The following CAMKMT variants were observed in gnomAD, a reference collection of about 807,000 sequenced individuals.
CAMKMT encodes CaM KMT.
Under a neutral mutation model 48.0 loss-of-function variants are expected in CAMKMT, and 53 were observed. The ratio of observed to expected loss-of-function variants is 1.10; its 90% CI spans 0.89 to 1.39. The LOEUF (loss-of-function observed/expected upper bound fraction) is 1.39. CAMKMT is among the 40% of genes most tolerant of loss of function. The pLI, the probability that CAMKMT is intolerant of heterozygous loss-of-function variation, is 0.00. For synonymous variants in CAMKMT, 165 were observed against 152.3 expected, an observed-to-expected ratio of 1.08 and a Z score of -0.61; for missense variants, 428 against 402.7, an observed-to-expected ratio of 1.06 and a Z score of -0.54.
intron 3 of CAMKMT, among the ~76,000 whole-genome samples, chr2:44,594,360 C>T (rs1436968082): frequency 1.3e-5 from 2 of 152,158 alleles, no homozygotes; most frequent in Non-Finnish European, 2.9e-5. Flanking sequence ...CCAAGACAAT[C>T]CTAAGCAAAA....
At chr2:44,515,415 T>A (rs942414010) in intron 3 of CAMKMT, among the ~76,000 whole-genome samples, 10 of 152,194 alleles carry the variant, frequency 6.6e-5, no homozygotes, top group African/African-American at 2.4e-4. Flanking sequence ...TGGTAAGGGA[T>A]ATCTATAATC....
chr2:44,699,471 C>T (rs908439762), intron 3 of CAMKMT, among the ~76,000 whole-genome samples: 3 of 152,124 alleles, frequency 2.0e-5, no homozygotes, highest in Non-Finnish European at 2.9e-5. Context: ...TTTTTCGGAG[C>T]AGTAGGTCTT....
In CAMKMT at chr2:44,372,688, G is replaced by T; in HGVS notation, c.139-28G>T. On this transcript the variant is annotated intron_variant, in intron 1 of 10. Transcript: ENST00000378494. ...AACTTACTATATGTTTAGATAACAT[G>T]ACTGCAATATTTGGCTTTATTTCAA... 5 of 1,598,006 alleles carry T rather than the reference G, an allele frequency of 3.1e-6. No individual in the cohort carries two copies. In the South Asian group the frequency reaches 5.6e-5, roughly 18 times the overall value.
chr2:44,647,914 A>G (rs1426543453), intron 3 of CAMKMT, among the ~76,000 whole-genome samples: 2 of 148,888 alleles, frequency 1.3e-5, no homozygotes, highest in African/African-American at 4.9e-5. Context: ...TCTCAAAAAA[A>G]AAAAAAAAAA....
intron 3 of CAMKMT, among the ~76,000 whole-genome samples, chr2:44,426,773 T>A (rs1206190267): frequency 6.6e-6 from 1 of 152,234 alleles, no homozygotes; most frequent in Non-Finnish European, 1.5e-5. Context: ...GATTCAATGC[T>A]ATTTCTATGA....
At chr2:44,501,494 A>G (rs190472960) in intron 3 of CAMKMT, among the ~76,000 whole-genome samples, 2 of 152,344 alleles carry the variant, frequency 1.3e-5, no homozygotes, top group Non-Finnish European at 2.9e-5. Context: ...ACAGGAGTGA[A>G]GAAAGAGACT....
intron 3 of CAMKMT, among the ~76,000 whole-genome samples, chr2:44,683,215 C>CAA (rs11451906): frequency 0.36 from 54,397 of 149,136 alleles, 10,156 homozygotes; most frequent in Non-Finnish European, 0.42. Context: ...AAATAGAAAC[C>CAA]AAAAAAAAAA....
intron 7 of CAMKMT, among the ~76,000 whole-genome samples, chr2:44,741,184 G>A (rs1401191346): frequency 6.6e-6 from 1 of 152,206 alleles, no homozygotes; most frequent in Non-Finnish European, 1.5e-5. Context: ...TTTTACAAAA[G>A]TATTGGTCTG....
At chr2:44,394,125 A>G (rs1268010961) in intron 3 of CAMKMT, among the ~76,000 whole-genome samples, 1 of 152,176 alleles carries the variant, frequency 6.6e-6, no homozygotes, top group Non-Finnish European at 1.5e-5. Flanking sequence ...ATTATAAACT[A>G]TGTACAATAT....
At chr2:44,668,574 A>G (rs949395700) in intron 3 of CAMKMT, among the ~76,000 whole-genome samples, 10 of 152,098 alleles carry the variant, frequency 6.6e-5, no homozygotes, top group African/African-American at 1.9e-4. Context: ...TGAGTTGTCT[A>G]TAGTGTTCTA....
intron 3 of CAMKMT, among the ~76,000 whole-genome samples, chr2:44,603,746 A>T (rs1458376980): frequency 6.6e-6 from 1 of 152,200 alleles, no homozygotes; most frequent in Non-Finnish European, 1.5e-5. Flanking sequence ...TTTAAAATGT[A>T]TTCCCCTGCC....
intron 3 of CAMKMT, among the ~76,000 whole-genome samples, chr2:44,428,161 A>G (rs1005251383): frequency 1.3e-5 from 2 of 152,182 alleles, no homozygotes; most frequent in African/African-American, 4.8e-5. Context: ...TCCAGTGTCC[A>G]GGAAGAATCA....
At chr2:44,671,089 T>A (rs1231577320) in intron 3 of CAMKMT, among the ~76,000 whole-genome samples, 1 of 152,196 alleles carries the variant, frequency 6.6e-6, no homozygotes, top group Non-Finnish European at 1.5e-5. Flanking sequence ...AATGGCCTAG[T>A]ATTATTGATT....
At chr2:44,724,934 A>T (rs1678696021) in intron 7 of CAMKMT, among the ~76,000 whole-genome samples, 1 of 152,068 alleles carries the variant, frequency 6.6e-6, no homozygotes, top group Non-Finnish European at 1.5e-5. Flanking sequence ...TTTTTGTTTT[A>T]TTGTCACAAT....
At chr2:44,681,925 A>G (rs2104179509) in intron 3 of CAMKMT, among the ~76,000 whole-genome samples, 1 of 152,348 alleles carries the variant, frequency 6.6e-6, no homozygotes, top group Admixed American at 6.5e-5. Context: ...TGTCTTTAGA[A>G]TCGTTACTGC....
intron 3 of CAMKMT, among the ~76,000 whole-genome samples, chr2:44,451,222 C>T (rs994773602): frequency 5.3e-5 from 8 of 151,898 alleles, no homozygotes; most frequent in South Asian, 2.1e-4. Context: ...AAAGAAAATA[C>T]CATGGGTGGT....
chr2:44,387,493 G>A (rs367914589), intron 2 of CAMKMT, among the ~76,000 whole-genome samples: 7 of 152,002 alleles, frequency 4.6e-5, no homozygotes, highest in African/African-American at 9.7e-5. Flanking sequence ...TAAGTGGAGC[G>A]TTTAGGCTAT....
At chr2:44,754,155 C>T in intron 9 of CAMKMT, 37 bp downstream of exon 9, 2 of 1,472,912 alleles carry the variant, frequency 1.4e-6, no homozygotes, top group Non-Finnish European at 1.9e-6. Context: ...ACACTGGCTA[C>T]AGAATAATTA....
At chr2:44,670,799 C>A (rs1314897688) in intron 3 of CAMKMT, among the ~76,000 whole-genome samples, 3 of 152,192 alleles carry the variant, frequency 2.0e-5, no homozygotes, top group Non-Finnish European at 4.4e-5. Context: ...TGCTGCTGAT[C>A]CAGGAACCAC....
Sources: allele counts gnomAD v4.1 joint callset (sites outside exome capture counted in the v4.1 genomes callset), GRCh38; gene constraint gnomAD v4.1.1; transcripts MANE v1.5; gene names NCBI Gene and HGNC (gene_info 2026-07-23, HGNC 2026-07-21).